Variants in CADPS2 observed in about 807,000 individuals in gnomAD.
CADPS2 encodes calcium-dependent secretion activator 2.
CADPS2 carries 93 observed loss-of-function variants against 172.5 expected under a neutral mutation model. That is an observed-to-expected ratio of 0.54 (90% CI 0.46 to 0.64). The LOEUF is 0.64. Among genes scored for constraint, CADPS2 ranks in the 30% least tolerant of loss-of-function variants. The pLI, the probability that CADPS2 is intolerant of heterozygous loss-of-function variation, is 0.00. For missense variants in CADPS2, 1,420 were observed against 1,565.9 expected, an observed-to-expected ratio of 0.91 and a Z score of 1.57; for synonymous variants, 546 against 555.2, an observed-to-expected ratio of 0.98 and a Z score of 0.23.
At chr7:122,447,590 A>C (rs1317819984) in intron 15 of CADPS2, among the ~76,000 whole-genome samples, 1 of 110,276 alleles carries the variant, frequency 9.1e-6, no homozygotes, top group Non-Finnish European at 1.8e-5. Flanking sequence ...GTGTCACTCC[A>C]TCACCTAGGC....
intron 20 of CADPS2, among the ~76,000 whole-genome samples, chr7:122,396,061 C>T (rs529257851): frequency 6.6e-6 from 1 of 152,264 alleles, no homozygotes; most frequent in South Asian, 2.1e-4. Flanking sequence ...CCACCCGCCT[C>T]GGCTTCCCAA....
intron 8 of CADPS2, among the ~76,000 whole-genome samples, chr7:122,535,382 T>C (rs754929027): frequency 8.2e-4 from 125 of 152,204 alleles, no homozygotes; most frequent in Middle Eastern, 3.4e-3. Flanking sequence ...GAATATTATT[T>C]AATGTGATAG....
intron 2 of CADPS2, among the ~76,000 whole-genome samples, chr7:122,678,916 C>CA (rs2082668326): frequency 6.6e-6 from 1 of 152,124 alleles, no homozygotes; most frequent in Non-Finnish European, 1.5e-5. Flanking sequence ...AACACTTCCC[C>CA]AATCAATACT....
At chr7:122,449,195 A>G (rs775567799) in intron 15 of CADPS2, among the ~76,000 whole-genome samples, 1 of 152,216 alleles carries the variant, frequency 6.6e-6, no homozygotes, top group Admixed American at 6.5e-5. Flanking sequence ...ACTAATATAG[A>G]TATCTAAAAT....
intron 1 of CADPS2, among the ~76,000 whole-genome samples, chr7:122,875,252 A>G (rs1215712982): frequency 3.3e-5 from 5 of 152,314 alleles, no homozygotes; most frequent in Non-Finnish European, 5.9e-5. Context: ...ACTCCACCAA[A>G]AGAAAGTAAA....
chr7:122,601,313 A>G (rs1471119727), intron 6 of CADPS2, among the ~76,000 whole-genome samples: 1 of 152,050 alleles, frequency 6.6e-6, no homozygotes, highest in African/African-American at 2.4e-5. Flanking sequence ...AAAGTTAAAC[A>G]TTAGAACACA....
At chr7:122,333,236 T>C (rs1451507564) in intron 28 of CADPS2, among the ~76,000 whole-genome samples, 1 of 152,224 alleles carries the variant, frequency 6.6e-6, no homozygotes, top group East Asian at 1.9e-4. Context: ...ATCCATAATG[T>C]AGGATTTATA....
chr7:122,764,906 A>G (rs994319947), intron 1 of CADPS2, among the ~76,000 whole-genome samples: 2 of 152,064 alleles, frequency 1.3e-5, no homozygotes, highest in African/African-American at 4.8e-5. Flanking sequence ...GAAGCCTATT[A>G]CACTTAAACC....
At chr7:122,583,789 C>T (rs1217606528) in intron 6 of CADPS2, among the ~76,000 whole-genome samples, 1 of 150,984 alleles carries the variant, frequency 6.6e-6, no homozygotes, top group Non-Finnish European at 1.5e-5. Flanking sequence ...ACATAACATA[C>T]ATATCATATA....
intron 8 of CADPS2, among the ~76,000 whole-genome samples, chr7:122,529,883 T>C (rs925573334): frequency 1.3e-5 from 2 of 152,150 alleles, no homozygotes; most frequent in Non-Finnish European, 2.9e-5. Context: ...AATTGCACTA[T>C]AATGTTAATA....
chr7:122,731,650 A>G (rs2137535810), intron 2 of CADPS2, among the ~76,000 whole-genome samples: 1 of 149,426 alleles, frequency 6.7e-6, no homozygotes, highest in Non-Finnish European at 1.5e-5. Flanking sequence ...GAGGTGCTTA[A>G]AGAAAAAAAA....
chr7:122,555,268 A>T (rs975919111), intron 7 of CADPS2, among the ~76,000 whole-genome samples: 1 of 152,098 alleles, frequency 6.6e-6, no homozygotes, highest in African/African-American at 2.4e-5. Flanking sequence ...ACTGAAACAA[A>T]GTAATTATTT....
At chr7:122,734,388 A>AAAAAAAAAAAAAAAAAAAAT in intron 2 of CADPS2, among the ~76,000 whole-genome samples, 1 of 57,500 alleles carries the variant, frequency 1.7e-5, no homozygotes, top group Non-Finnish European at 3.8e-5. Context: ...AAAAAAAAAG[A>AAAAAAAAAAAAAAAAAAAAT]AAAAAAAAAA....
chr7:122,530,102 A>C (rs983092736), intron 8 of CADPS2, among the ~76,000 whole-genome samples: 1 of 152,142 alleles, frequency 6.6e-6, no homozygotes, highest in Non-Finnish European at 1.5e-5. Context: ...AATAATGCAG[A>C]AGATATTATA....
intron 17 of CADPS2, among the ~76,000 whole-genome samples, chr7:122,419,127 T>C (rs2151790735): frequency 6.6e-6 from 1 of 152,324 alleles, no homozygotes; most frequent in Middle Eastern, 3.4e-3. Flanking sequence ...AGTTATCTTG[T>C]GCAGGCTTTG....
intron 8 of CADPS2, among the ~76,000 whole-genome samples, chr7:122,545,871 T>C (rs1291199922): frequency 6.6e-6 from 1 of 152,202 alleles, no homozygotes; most frequent in Non-Finnish European, 1.5e-5. Context: ...ACTACTGTTA[T>C]ATCCTTCTAA....
chr7:122,521,327 G>A (rs1297976122), intron 8 of CADPS2, among the ~76,000 whole-genome samples: 1 of 152,076 alleles, frequency 6.6e-6, no homozygotes, highest in African/African-American at 2.4e-5. Flanking sequence ...GGGCACCATT[G>A]CATTTGAAGT....
intron 1 of CADPS2, among the ~76,000 whole-genome samples, chr7:122,741,894 A>G (rs1464114906): frequency 7.9e-5 from 12 of 152,206 alleles, no homozygotes; most frequent in Admixed American, 7.2e-4. Flanking sequence ...AGAACAAAAT[A>G]AAATGATTAT....
intron 3 of CADPS2, among the ~76,000 whole-genome samples, chr7:122,630,558 A>T (rs2076482775): frequency 6.6e-6 from 1 of 152,122 alleles, no homozygotes; most frequent in African/African-American, 2.4e-5. Context: ...AAGCCACATT[A>T]GGGAATTTGG....
Sources: allele counts gnomAD v4.1 joint callset (sites outside exome capture counted in the v4.1 genomes callset), GRCh38; gene constraint gnomAD v4.1.1; transcripts MANE v1.5; gene names NCBI Gene and HGNC (gene_info 2026-07-23, HGNC 2026-07-21).